The following FGL2 variants were observed in gnomAD, a reference collection of about 807,000 sequenced individuals.
FGL2 encodes fibroleukin.
FGL2 carries 21 observed loss-of-function variants against 36.0 expected under a neutral mutation model. The observed-to-expected ratio is 0.58, with a 90% CI of 0.41 to 0.84. FGL2 has a LOEUF of 0.84. Among genes scored for constraint, FGL2 ranks in the 40% least tolerant of loss-of-function variants. The probability of loss-of-function intolerance (pLI) is 0.00; values close to 1 mark genes in which losing one functional copy is unlikely to be tolerated. For missense variants in FGL2, 444 were observed against 526.3 expected, an observed-to-expected ratio of 0.84 and a Z score of 1.53; for synonymous variants, 183 against 190.7, an observed-to-expected ratio of 0.96 and a Z score of 0.33.
chr7:77,196,781 G>A lies in FGL2; in HGVS notation c.818C>T (p.Ala273Val). The change falls in exon 2 of 2, where the codon GCA (alanine) becomes GTA (valine). Residue 273 changes from alanine to valine, a missense_variant. Transcript: ENST00000248598. This position sits in a 1 kb window ranked among gnomAD's most constrained non-coding sequence, Gnocchi z 4.2. ...TTCCCTTCTGAGGTTTCCAAAGCCTGCTTTGTAGTCTTGCCATGTTCTGGT... is the reference window on the plus strand; with the variant it reads ...TTCCCTTCTGAGGTTTCCAAAGCCTACTTTGTAGTCTTGCCATGTTCTGGT... The part of the protein sequence containing the change: ...NFTRTWQDYK[A>V]GFGNLRREFW... The A allele has an allele frequency of 6.2e-7, 1 of 1,614,116 alleles. No homozygotes were observed. Among genetic ancestry groups the A allele is most frequent in the East Asian group, 2.2e-5 (1 of 44,874 alleles).
At chr7:77,197,489 T>C (rs1791896534) in intron 1 of FGL2, among the ~76,000 whole-genome samples, 1 of 152,246 alleles carries the variant, frequency 6.6e-6, no homozygotes, top group Admixed American at 6.5e-5. Flanking sequence ...AGCAAAGCTT[T>C]GTTCTCGTAA....
chr7:77,196,703 A>G lies in FGL2; in HGVS notation c.896T>C (p.Ile299Thr). 1.2e-6 allele frequency: 2 copies of G among 1,614,194 alleles called. No individual in the cohort carries two copies. The highest frequency in any genetic ancestry group is 2.2e-5 in the South Asian group (2 of 91,078). The change falls in exon 2 of 2, where the codon ATT (isoleucine) becomes ACT (threonine). Residue 299 changes from isoleucine (I) to threonine (T), a missense_variant. Coordinates refer to ENST00000248598, the MANE Select transcript of FGL2 (RefSeq NM_006682.3). This position sits in a 1 kb window ranked among gnomAD's most constrained non-coding sequence, Gnocchi z 4.2. The stretch of plus-strand genomic sequence containing the variant: ...AAAGTCTTCAAGATCTATTCTCAGA[A>G]TCATTTCCTTACTCTTGGTCAGAAG... ...IHLLTKSKEM[I>T]LRIDLEDFNG... is the part of the protein sequence containing the mutation.
Position 77,199,241 on chromosome 7 carries a change from TGAC to T in FGL2, c.550_552del (p.Val184del). On this transcript the variant is annotated inframe_deletion, in exon 1 of 2. Coordinates refer to ENST00000248598, the MANE Select transcript of FGL2 (RefSeq NM_006682.3). ...TTTGAACATTTGCCATCCAAACTAT[TGAC>T]AACAAATGTTAGATTTGCCACTTTG... 1 of 1,613,986 alleles carries T rather than the reference TGAC, an allele frequency of 6.2e-7. No homozygotes were observed. The highest frequency in any genetic ancestry group is 8.5e-7 in the Non-Finnish European group (1 of 1,179,856).
chr7:77,198,055 CA>C (rs1791909023), intron 1 of FGL2: 1 of 846,274 alleles, frequency 1.2e-6, no homozygotes, highest in African/African-American at 1.8e-5. Context: ...GAAAAATAGA[CA>C]ATAGTCTTCA....
Position 77,196,678 on chromosome 7 carries a change from A to G in FGL2, c.921T>C (p.Phe307=), listed in dbSNP as rs1484517044. ...ACAAGGCATATAGTTCGACACCATTAAAGTCTTCAAGATCTATTCTCAGAA... is the reference window on the plus strand; with the variant it reads ...ACAAGGCATATAGTTCGACACCATTGAAGTCTTCAAGATCTATTCTCAGAA... The part of the protein sequence containing the change: ...EMILRIDLED[F]NGVELYALYD... The change falls in exon 2 of 2, where the codon TTT becomes TTC. Residue 307 remains phenylalanine (F), a synonymous_variant. Coordinates refer to ENST00000248598, the MANE Select transcript of FGL2 (RefSeq NM_006682.3). This position sits in a 1 kb window ranked among gnomAD's most constrained non-coding sequence, Gnocchi z 4.2. 1 of 1,614,232 alleles carries G rather than the reference A, an allele frequency of 6.2e-7. No homozygotes were observed. The highest frequency in any genetic ancestry group is 1.7e-5 in the Admixed American group (1 of 60,026).
In FGL2 at chr7:77,196,723, C is replaced by T. The variant is rs767286995; in HGVS notation, c.876G>A (p.Leu292=). The T allele has an allele frequency of 6.2e-6, 10 of 1,614,024 alleles. No homozygotes were observed. The highest frequency in any genetic ancestry group is 8.5e-6 in the Non-Finnish European group (10 of 1,180,016). Reference sequence around the variant, plus strand: ...TCAGAATCATTTCCTTACTCTTGGTCAGAAGATGAATTTTATCGTTCCCCA... The same window carrying T: ...TCAGAATCATTTCCTTACTCTTGGTTAGAAGATGAATTTTATCGTTCCCCA... The part of the protein sequence containing the change: ...FWLGNDKIHL[L]TKSKEMILRI... Residue 292 remains leucine, a synonymous_variant, in exon 2 of 2, where the codon CTG becomes CTA. Coordinates refer to ENST00000248598, the MANE Select transcript of FGL2 (RefSeq NM_006682.3). This position sits in a 1 kb window ranked among gnomAD's most constrained non-coding sequence, Gnocchi z 4.2.
rs943090936 is a variant in FGL2, at chr7:77,195,350, G to A, written c.*929C>T. The A allele has an allele frequency of 6.6e-6, 1 of 152,102 alleles. No individual in the cohort carries two copies. The highest frequency in any genetic ancestry group is 1.5e-5 in the Non-Finnish European group (1 of 67,998). The allele number at this position is 152,102 out of a possible 1,614,324, so 9.4% of individuals were successfully genotyped here. A position where few individuals can be genotyped will look rare whatever the true frequency, so the allele number is the denominator to read the frequency against. On this transcript the variant is annotated 3_prime_UTR_variant, in exon 2 of 2. Coordinates refer to ENST00000248598, the MANE Select transcript of FGL2 (RefSeq NM_006682.3). ...AAACCCTGGTCTTCACAGTTACATT[G>A]CTTTCTGAATGCTTTTTGGGGTGAC...
intron 1 of FGL2, 28 bp from the exon 2 acceptor site, chr7:77,197,013 G>C (rs1398566127): frequency 7.2e-7 from 1 of 1,382,088 alleles, no homozygotes; most frequent in Non-Finnish European, 1.0e-6. Context: ...GGAAGGCATT[G>C]GATCTTGTTA....
At chr7:77,199,151 C>T (rs749896910) in intron 1 of FGL2, 30 bp downstream of exon 1, 1 of 1,576,526 alleles carries the variant, frequency 6.3e-7, no homozygotes, top group Non-Finnish European at 8.6e-7. Context: ...CATTTATGAA[C>T]ATATGATAAG....
Position 77,199,357 on chromosome 7 carries a change from T to C in FGL2, c.437A>G (p.Asn146Ser), listed in dbSNP as rs372304002. The C allele has an allele frequency of 6.2e-7, 1 of 1,613,972 alleles. No homozygotes were observed. The highest frequency in any genetic ancestry group is 8.5e-7 in the Non-Finnish European group (1 of 1,179,958). ...EVNKLSSELK[N>S]AKEEINVLHG... is the part of the protein sequence containing the mutation. ...AAGTACATTGATCTCCTCTTTGGCA[T>C]TCTTTAGCTCAGAGGACAGCTTGTT... The change falls in exon 1 of 2, where the codon AAT becomes AGT. Residue 146 changes from asparagine (N) to serine (S), a missense_variant. Physicochemically the swap from Asn to Ser is conservative, Grantham distance 46. Transcript: ENST00000248598.
At chr7:77,199,106 A>G in intron 1 of FGL2, 75 bp downstream of exon 1, 1 of 1,260,552 alleles carries the variant, frequency 7.9e-7, no homozygotes, top group Non-Finnish European at 1.1e-6. Flanking sequence ...TTACTGACTC[A>G]GGTTAATGTT....
rs569471735 is a variant in FGL2, at chr7:77,195,174, C to G, written c.*1105G>C. The G allele has an allele frequency of 5.9e-5, 9 of 151,356 alleles. No individual in the cohort carries two copies. The South Asian group carries it at 1.3e-3, about 21-fold the overall frequency. 9.4% of individuals were successfully genotyped at this position (151,356 alleles called of 1,614,324 possible). A position where few individuals can be genotyped will look rare whatever the true frequency, so the allele number is the denominator to read the frequency against. ...CCCACATATCCCTACCCACCCCCCC[C>G]AAAAAAACCTACCAGTAGTCTAGTA... On this transcript the variant is annotated 3_prime_UTR_variant, in exon 2 of 2. Transcript: ENST00000248598.
chr7:77,199,467 T>C lies in FGL2; in HGVS notation c.327A>G (p.Pro109=). The change falls in exon 1 of 2, where the codon CCA becomes CCG. Residue 109 remains proline, a synonymous_variant. Transcript: ENST00000248598. The part of the protein sequence containing the change: ...CKLQADDNGD[P]GRNGLLLPST... ...TGGGTAACAACAGTCCGTTTCTGCC[T>C]GGGTCTCCGTTGTCATCAGCCTGCA... 1 of 1,614,152 alleles carries C rather than the reference T, an allele frequency of 6.2e-7. No homozygotes were observed. Among genetic ancestry groups the C allele is most frequent in the Admixed American group, 1.7e-5 (1 of 60,010 alleles).
Position 77,196,333 on chromosome 7 carries a change from C to T in FGL2, c.1266G>A (p.Lys422=). ...GVSEAHPGGY[K]SSFKEAKMMI... ...TCATCTTAGCCTCTTTGAAGGAGGA[C>T]TTGTAGCCACCAGGGTGTGCCTCAC... The change falls in exon 2 of 2, where the codon AAG becomes AAA. Residue 422 remains lysine, a synonymous_variant. Coordinates refer to ENST00000248598, the MANE Select transcript of FGL2 (RefSeq NM_006682.3). This position sits in a 1 kb window ranked among gnomAD's most constrained non-coding sequence, Gnocchi z 4.2. 1 of 1,614,100 alleles carries T rather than the reference C, an allele frequency of 6.2e-7. No individual in the cohort carries two copies. The highest frequency in any genetic ancestry group is 1.7e-4 in the Middle Eastern group (1 of 6,060).
intron 1 of FGL2, among the ~76,000 whole-genome samples, chr7:77,197,729 C>A (rs1462268985): frequency 6.6e-6 from 1 of 152,098 alleles, no homozygotes; most frequent in Non-Finnish European, 1.5e-5. Flanking sequence ...TAAAGAAGCT[C>A]AAGTGAAAAA....
At position 77,199,604 on chromosome 7, in the gene FGL2, AG is replaced by A. The variant is rs748863945; in HGVS notation, c.189del (p.Leu64Ter). ...GECPYQVSLP[P>X]LTIQLPKQFS... Reference sequence around the variant, plus strand: ...AATTGCTTCGGGAGCTGAATAGTCAAGGGGGGCAGGCTTACCTGGTAGGGGC... The same window carrying A: ...AATTGCTTCGGGAGCTGAATAGTCAAGGGGGCAGGCTTACCTGGTAGGGGC... On this transcript the variant is annotated frameshift_variant, in exon 1 of 2. Coordinates refer to ENST00000248598, the MANE Select transcript of FGL2 (RefSeq NM_006682.3). LOFTEE classifies it high-confidence loss of function. 3 of 1,614,128 alleles carry A rather than the reference AG, an allele frequency of 1.9e-6. No individual in the cohort carries two copies. The highest frequency in any genetic ancestry group is 1.3e-5 in the African/African-American group (1 of 75,052).
In FGL2 at chr7:77,199,467, T is replaced by G. The variant is rs745368511; in HGVS notation, c.327A>C (p.Pro109=). Residue 109 remains proline, a synonymous_variant, in exon 1 of 2, where the codon CCA becomes CCC. Transcript: ENST00000248598. ...TGGGTAACAACAGTCCGTTTCTGCC[T>G]GGGTCTCCGTTGTCATCAGCCTGCA... ...CKLQADDNGD[P]GRNGLLLPST... is the part of the protein sequence containing the mutation. 3 of 1,614,034 alleles carry G rather than the reference T, an allele frequency of 1.9e-6. No homozygotes were observed. The East Asian group carries it at 6.7e-5, about 36-fold the overall frequency.
Position 77,196,743 on chromosome 7 carries a change from TC to T in FGL2, c.855del (p.Asn286ThrfsTer7). ...FGNLRREFWL[G>X]NDKIHLLTKS... ...TTGGTCAGAAGATGAATTTTATCGT[TC>T]CCCAGCCAAAATTCCCTTCTGAGGT... is the stretch of plus-strand genomic sequence containing the variant. On this transcript the variant is annotated frameshift_variant, in exon 2 of 2. Coordinates refer to ENST00000248598, the MANE Select transcript of FGL2 (RefSeq NM_006682.3). LOFTEE classifies it high-confidence loss of function. This position sits in a 1 kb window ranked among gnomAD's most constrained non-coding sequence, Gnocchi z 4.2. 6.2e-7 allele frequency: 1 copy of T among 1,614,160 alleles called. No individual in the cohort carries two copies. Among genetic ancestry groups the T allele is most frequent in the South Asian group, 1.1e-5 (1 of 91,084 alleles).
chr7:77,194,008 G>C lies in FGL2; in HGVS notation c.*2271C>G, dbSNP rs1333534859. ...AATGATTCCAAAATGGAATTTCTGT[G>C]TTACAGAATTTACTAGAAAAGTGCT... On this transcript the variant is annotated 3_prime_UTR_variant, in exon 2 of 2. Transcript: ENST00000248598. 6.6e-6 allele frequency: 1 copy of C among 152,432 alleles called. No homozygotes were observed. Among genetic ancestry groups the C allele is most frequent in the Non-Finnish European group, 1.5e-5 (1 of 67,944 alleles). 9.4% of individuals were successfully genotyped at this position (152,432 alleles called of 1,614,324 possible).
Sources: gnomAD v4.1 joint callset for allele counts (sites outside exome capture counted in the v4.1 genomes callset) on GRCh38, gnomAD v4.1.1 for gene constraint, Gnocchi (gnomAD v3.1) non-coding constraint, MANE v1.5 for transcripts, NCBI Gene and HGNC (gene_info 2026-07-23, HGNC 2026-07-21) for gene names.